BTBD1: variants seen among roughly 807,000 people sequenced by gnomAD.
BTBD1 encodes the protein BTB/POZ domain-containing protein 1.
BTBD1 carries 34 observed loss-of-function variants against 48.0 expected under a neutral mutation model. The ratio of observed to expected loss-of-function variants is 0.71; its 90% CI spans 0.54 to 0.94. The LOEUF (loss-of-function observed/expected upper bound fraction) is 0.94, where lower values mean the gene tolerates loss of function less well. BTBD1 is among the 40% of genes least tolerant of loss of function. The pLI, the probability that BTBD1 is intolerant of heterozygous loss-of-function variation, is 0.00. For synonymous variants in BTBD1, 261 were observed against 242.1 expected, an observed-to-expected ratio of 1.08 and a Z score of -0.72; for missense variants, 543 against 625.6, an observed-to-expected ratio of 0.87 and a Z score of 1.41.
At chr15:83,056,703 C>CCA (rs2033092352) in intron 1 of BTBD1, among the ~76,000 whole-genome samples, 158 bp from the exon 2 acceptor site, 1 of 116,280 alleles carries the variant, frequency 8.6e-6, no homozygotes, top group Admixed American at 1.1e-4. Context: ...ATCCATTCAT[C>CCA]TATCCATCCA....
rs369647976 is a variant in BTBD1, at chr15:83,047,110, T to C, written c.664+2963A>G. Among the ~76,000 whole-genome samples the C allele has an allele frequency of 8.5e-5, 13 of 152,302 alleles. No homozygotes were observed. In the East Asian group the frequency reaches 1.5e-3, roughly 18 times the overall value. ...TGATAGAGTTGTACACGAGACAAAG[T>C]CCCTGCCTTCAAGGAGTTTACAATT... On this transcript the variant is annotated intron_variant, in intron 3 of 7. Transcript: ENST00000261721.
chr15:83,060,900 C>T (rs1222164913), intron 1 of BTBD1, among the ~76,000 whole-genome samples: 1 of 152,202 alleles, frequency 6.6e-6, no homozygotes, highest in African/African-American at 2.4e-5. Context: ...TGTATCACTA[C>T]TTATCTGTTC....
chr15:83,032,594 G>A (rs1813567349), intron 4 of BTBD1, among the ~76,000 whole-genome samples: 1 of 152,158 alleles, frequency 6.6e-6, no homozygotes, highest in Non-Finnish European at 1.5e-5. Flanking sequence ...GGATGAACTT[G>A]GAGGCCATTA....
chr15:83,041,993 GAC>G, intron 3 of BTBD1, 68 bp from the exon 4 acceptor site: 1 of 1,322,416 alleles, frequency 7.6e-7, no homozygotes, highest in Non-Finnish European at 1.1e-6. Flanking sequence ...AATACCAACA[GAC>G]ACACTTATAT....
chr15:83,041,831 C>G lies in BTBD1; in HGVS notation c.759G>C (p.Gln253His). 1.9e-6 allele frequency: 3 copies of G among 1,614,158 alleles called. No homozygotes were observed. Among genetic ancestry groups the G allele is most frequent in the Non-Finnish European group, 2.5e-6 (3 of 1,180,004 alleles). The change falls in exon 4 of 8, where the codon CAG becomes CAC. Residue 253 changes from glutamine (Q) to histidine (H), a missense_variant. Coordinates refer to ENST00000261721, the MANE Select transcript of BTBD1 (RefSeq NM_025238.4). The stretch of plus-strand genomic sequence containing the variant: ...CAAAAGTCACAGGTAATTGTTGTCT[C>G]TGACATTCTGCTTCTGCCCAGCGTA... ...AVVRWAEAEC[Q>H]RQQLPVTFGN... is the part of the protein sequence containing the mutation.
At chr15:83,028,571 T>C (rs1281235064) in intron 5 of BTBD1, 1 of 152,188 alleles carries the variant, frequency 6.6e-6, no homozygotes, top group Non-Finnish European at 1.5e-5. Flanking sequence ...ATTCTTTTAA[T>C]GCTCAAGGAA....
At chr15:83,020,626 C>A in intron 6 of BTBD1, 49 bp downstream of exon 6, 1 of 1,224,292 alleles carries the variant, frequency 8.2e-7, no homozygotes, top group East Asian at 2.4e-5. Context: ...CTTAAAGTTA[C>A]CTGTTTGTGT....
chr15:83,053,795 T>A (rs1453831558), intron 2 of BTBD1, among the ~76,000 whole-genome samples: 2 of 152,208 alleles, frequency 1.3e-5, no homozygotes, highest in Admixed American at 1.3e-4. Flanking sequence ...ATGGTGATAA[T>A]AAGAAAACCT....
chr15:83,041,450 A>C (rs2032758754), intron 4 of BTBD1, among the ~76,000 whole-genome samples: 1 of 151,120 alleles, frequency 6.6e-6, no homozygotes, highest in African/African-American at 2.4e-5. Context: ...ATCTCGGCTC[A>C]CTGCAACCTC....
chr15:83,022,052 A>AT (rs1191979227), intron 5 of BTBD1, among the ~76,000 whole-genome samples: 5 of 151,552 alleles, frequency 3.3e-5, no homozygotes, highest in Non-Finnish European at 4.4e-5. Flanking sequence ...CAAACATGTA[A>AT]TTTTTTTTAA....
chr15:83,050,179 C>G lies in BTBD1; in HGVS notation c.559-1G>C. On this transcript the variant is annotated splice_acceptor_variant, in intron 2 of 7. Coordinates refer to ENST00000261721, the MANE Select transcript of BTBD1 (RefSeq NM_025238.4). LOFTEE classifies it high-confidence loss of function. Reference sequence around the variant, plus strand: ...GCTGAGGTTCATCAAATAATCGAGCCTAAACATATAAAGAGATAGTTATTT... The same window carrying G: ...GCTGAGGTTCATCAAATAATCGAGCGTAAACATATAAAGAGATAGTTATTT... The G allele has an allele frequency of 1.2e-6, 2 of 1,601,944 alleles. No individual in the cohort carries two copies. Among genetic ancestry groups the G allele is most frequent in the Non-Finnish European group, 1.7e-6 (2 of 1,170,268 alleles).
intron 1 of BTBD1, among the ~76,000 whole-genome samples, chr15:83,063,780 G>A (rs1334883526): frequency 6.6e-6 from 1 of 152,100 alleles, no homozygotes; most frequent in African/African-American, 2.4e-5. Context: ...AGGCACACTG[G>A]TTCACTCTTG....
chr15:83,066,695 C>T, intron 1 of BTBD1, 56 bp downstream of exon 1: 1 of 1,183,482 alleles, frequency 8.4e-7, no homozygotes, highest in Non-Finnish European at 1.0e-6. Flanking sequence ...CGGGGATCTC[C>T]CAGCCCGGCC....
intron 4 of BTBD1, among the ~76,000 whole-genome samples, chr15:83,036,781 G>A (rs187632450): frequency 4.4e-4 from 67 of 152,234 alleles, no homozygotes; most frequent in African/African-American, 1.6e-3. Flanking sequence ...TCTAACAGGC[G>A]TAATGTTAAG....
chr15:83,017,283 T>G lies in BTBD1; in HGVS notation c.*784A>C, dbSNP rs2032189056. 1 of 152,638 alleles carries G rather than the reference T, an allele frequency of 6.6e-6. No individual in the cohort carries two copies. The highest frequency in any genetic ancestry group is 2.4e-5 in the African/African-American group (1 of 41,454). 9.5% of individuals were successfully genotyped at this position (152,638 alleles called of 1,614,324 possible). ...GTTCACCCAGTCGTCATCACCGTCA[T>G]CATCTCAATCTTGGGAATCATCAGC... On this transcript the variant is annotated 3_prime_UTR_variant, in exon 8 of 8. Transcript: ENST00000261721.
intron 1 of BTBD1, among the ~76,000 whole-genome samples, chr15:83,062,773 G>C (rs1382244127): frequency 1.3e-5 from 2 of 152,086 alleles, no homozygotes; most frequent in African/African-American, 2.4e-5. Flanking sequence ...TTGGTTGATG[G>C]GAGAAAGGAT....
chr15:83,067,048 C>A lies in BTBD1; in HGVS notation c.104G>T (p.Gly35Val). ...PPPPPSPSSLGPLLPLQREPL... is the reference protein window; with the variant it reads ...PPPPPSPSSLVPLLPLQREPL... ...TTCCCGCTGCAGGGGGAGCAGGGGC[C>A]CCAGAGAGGACGGTGAGGGCGGCGG... Residue 35 changes from glycine (G) to valine (V), a missense_variant, in exon 1 of 8, where the codon GGG (glycine) becomes GTG (valine). By Grantham distance (109) the Gly-to-Val change is moderately radical (BLOSUM62 -3). This residue lies in a region of BTBD1 where 173 missense variants were observed against 163.9 expected (regional missense o/e 1.06). Transcript: ENST00000261721. 2 of 1,579,520 alleles carry A rather than the reference C, an allele frequency of 1.3e-6. No individual in the cohort carries two copies. Among genetic ancestry groups the A allele is most frequent in the Non-Finnish European group, 1.7e-6 (2 of 1,165,538 alleles).
chr15:83,063,888 T>G (rs1312066555), intron 1 of BTBD1, among the ~76,000 whole-genome samples: 1 of 152,222 alleles, frequency 6.6e-6, no homozygotes, highest in Non-Finnish European at 1.5e-5. Flanking sequence ...TTCAAAACAT[T>G]CATCAGTACT....
At chr15:83,065,581 ACT>A (rs1186461842) in intron 1 of BTBD1, among the ~76,000 whole-genome samples, 1 of 152,096 alleles carries the variant, frequency 6.6e-6, no homozygotes, top group Non-Finnish European at 1.5e-5. Context: ...ACTACCCAAG[ACT>A]CTGCCATTTT....
Sources: allele counts gnomAD v4.1 joint callset (sites outside exome capture counted in the v4.1 genomes callset), GRCh38; gene constraint gnomAD v4.1.1; regional missense constraint gnomAD v4.1.1; transcripts MANE v1.5; gene names NCBI Gene and HGNC (gene_info 2026-07-23, HGNC 2026-07-21).